Variants in XXYLT1 observed in about 807,000 individuals in gnomAD.
The protein encoded by XXYLT1 is UDP-xylose:alpha-xyloside alpha-1,3-xylosyltransferase.
XXYLT1 carries 20 observed loss-of-function variants against 28.9 expected under a neutral mutation model. That is an observed-to-expected ratio of 0.69 (90% confidence interval 0.49 to 1.00). The LOEUF (loss-of-function observed/expected upper bound fraction) is 1.00. Among genes scored for constraint, XXYLT1 ranks in the 50% least tolerant of loss-of-function variants. The probability of loss-of-function intolerance (pLI) is 0.00; values close to 1 mark genes in which losing one functional copy is unlikely to be tolerated. For missense variants in XXYLT1, 542 were observed against 560.1 expected (o/e 0.97, Z 0.33); for synonymous variants, 257 against 253.8 (o/e 1.01, Z -0.12).
intron 2 of XXYLT1, among the ~76,000 whole-genome samples, chr3:195,216,033 C>T (rs1358093850): frequency 1.3e-5 from 2 of 151,442 alleles, no homozygotes; most frequent in African/African-American, 4.9e-5. Context: ...CAAAACCGCT[C>T]AACTACATGG....
At chr3:195,097,383 C>T (rs1716508598) in intron 3 of XXYLT1, among the ~76,000 whole-genome samples, 1 of 152,162 alleles carries the variant, frequency 6.6e-6, no homozygotes, top group South Asian at 2.1e-4. Flanking sequence ...TGCGTATCAA[C>T]ACGTATCTAG....
At chr3:195,189,074 CATT>C (rs1722318279) in intron 2 of XXYLT1, among the ~76,000 whole-genome samples, 2 of 152,292 alleles carry the variant, frequency 1.3e-5, no homozygotes, top group Non-Finnish European at 2.9e-5. Flanking sequence ...GAGTGATTTA[CATT>C]GATTAACTTA....
chr3:195,207,554 A>G (rs984728079), intron 2 of XXYLT1: 1 of 445,430 alleles, frequency 2.2e-6, no homozygotes, highest in East Asian at 7.1e-5. Flanking sequence ...AGCCTTCCCC[A>G]AATTCCTTAG....
intron 1 of XXYLT1, among the ~76,000 whole-genome samples, chr3:195,266,156 G>C (rs553865344): frequency 9.8e-5 from 15 of 152,298 alleles, no homozygotes; most frequent in African/African-American, 3.6e-4. Flanking sequence ...TGGGAGGACA[G>C]GTAGCCAGAA....
intron 3 of XXYLT1, among the ~76,000 whole-genome samples, chr3:195,085,308 A>G (rs1228156505): frequency 6.6e-6 from 1 of 152,218 alleles, no homozygotes; most frequent in Non-Finnish European, 1.5e-5. Context: ...ATGGTGACTC[A>G]GTACCAGTGT....
At chr3:195,159,510 C>G (rs892743335) in intron 2 of XXYLT1, among the ~76,000 whole-genome samples, 39 of 152,186 alleles carry the variant, frequency 2.6e-4, no homozygotes, top group Non-Finnish European at 5.1e-4. Context: ...AAAGGGTGTG[C>G]TCAGGACTAA....
intron 3 of XXYLT1, among the ~76,000 whole-genome samples, chr3:195,107,249 G>A (rs908717873): frequency 2.6e-5 from 4 of 151,752 alleles, no homozygotes; most frequent in Non-Finnish European, 5.9e-5. Context: ...CGAGGCGGGC[G>A]GATCACCTGA....
rs561454928 is a variant in XXYLT1 at position 195,255,316 on chromosome 3, G to A, written c.504+15239C>T. On this transcript the variant is annotated intron_variant, in intron 1 of 3. Coordinates refer to ENST00000310380, the MANE Select transcript of XXYLT1 (RefSeq NM_152531.5). The surrounding 1 kb of genome is among the most constrained non-coding windows in gnomAD (Gnocchi z 4.5). ...GCAGAGCCAGGTGGGAGACAGCAGC[G>A]GGGTTCCCTACCCCACACGGCTCGC... 3.9e-5 allele frequency among the ~76,000 whole-genome samples: 6 copies of A among 152,302 alleles called. No homozygotes were observed. The highest frequency in any genetic ancestry group is 3.4e-3 in the Middle Eastern group (1 of 294).
rs1721951770 is a variant in XXYLT1 at position 195,181,462 on chromosome 3, C to T, written c.653-24881G>A. Among the ~76,000 whole-genome samples the T allele has an allele frequency of 2.6e-5, 4 of 152,282 alleles. No homozygotes were observed. In the South Asian group the frequency reaches 8.3e-4, roughly 32 times the overall value. On this transcript the variant is annotated intron_variant, in intron 2 of 3. Transcript: ENST00000310380. ...GTGAACACCTCAAATTCTCTGAGGG[C>T]TGTGACAGGGGACTGAGGAAGTGGA...
intron 2 of XXYLT1, among the ~76,000 whole-genome samples, chr3:195,158,960 C>T (rs763650916): frequency 6.6e-6 from 1 of 152,110 alleles, no homozygotes. Flanking sequence ...TTACACAGAA[C>T]GCTGAAGGCT....
intron 3 of XXYLT1, among the ~76,000 whole-genome samples, chr3:195,121,822 C>T (rs1308696331): frequency 6.6e-6 from 1 of 152,212 alleles, no homozygotes; most frequent in Non-Finnish European, 1.5e-5. Flanking sequence ...AGTGGCTACC[C>T]CTCTCTAGGC....
At chr3:195,109,240 G>A (rs1717317910) in intron 3 of XXYLT1, among the ~76,000 whole-genome samples, 1 of 152,162 alleles carries the variant, frequency 6.6e-6, no homozygotes, top group Non-Finnish European at 1.5e-5. Flanking sequence ...CACAGCAGAG[G>A]CCGACAGCCC....
chr3:195,149,423 T>A (rs142084668), intron 3 of XXYLT1, among the ~76,000 whole-genome samples: 1 of 152,104 alleles, frequency 6.6e-6, no homozygotes. Flanking sequence ...AGAAACCATA[T>A]TGGAGATCAG....
At chr3:195,148,380 G>C (rs1719985893) in intron 3 of XXYLT1, among the ~76,000 whole-genome samples, 1 of 152,118 alleles carries the variant, frequency 6.6e-6, no homozygotes, top group African/African-American at 2.4e-5. Context: ...TTAAAAGGTG[G>C]CAAGCTTTTT....
At chr3:195,244,337 C>G (rs1484348796) in intron 1 of XXYLT1, among the ~76,000 whole-genome samples, 1 of 152,208 alleles carries the variant, frequency 6.6e-6, no homozygotes. Flanking sequence ...AGCTCTGGGT[C>G]CTGGGTCTCC....
chr3:195,084,979 C>A (rs1219843247), intron 3 of XXYLT1, among the ~76,000 whole-genome samples: 7 of 152,210 alleles, frequency 4.6e-5, no homozygotes. Flanking sequence ...CCTAGCAAGG[C>A]AGCCACTTCC....
Position 195,155,559 on chromosome 3 carries a change from T to A in XXYLT1, c.785+890A>T, listed in dbSNP as rs1365544722. Among the ~76,000 whole-genome samples, 29 of 150,544 alleles carry A rather than the reference T, an allele frequency of 1.9e-4. 1 individual carries two copies. The highest frequency in any genetic ancestry group is 1.7e-3 in the Admixed American group (25 of 15,114). On this transcript the variant is annotated intron_variant, in intron 3 of 3. Coordinates refer to ENST00000310380, the MANE Select transcript of XXYLT1 (RefSeq NM_152531.5). The stretch of plus-strand genomic sequence containing the variant: ...CTTTTTTTTTTTTTTAATTACAAGA[T>A]GTAGAACAAGAACACACAAAAAAGT...
chr3:195,102,133 T>C (rs531124877), intron 3 of XXYLT1, among the ~76,000 whole-genome samples: 27 of 152,020 alleles, frequency 1.8e-4, no homozygotes, highest in Non-Finnish European at 3.7e-4. Flanking sequence ...TATCTGAGTC[T>C]ATGTTTTCCA....
chr3:195,205,371 C>T (rs977283233), intron 2 of XXYLT1, among the ~76,000 whole-genome samples: 1 of 152,134 alleles, frequency 6.6e-6, no homozygotes, highest in Non-Finnish European at 1.5e-5. Context: ...TGGAATGAAC[C>T]TCTTGAGGAT....
Sources: gnomAD v4.1 joint callset for allele counts (sites outside exome capture counted in the v4.1 genomes callset) on GRCh38, gnomAD v4.1.1 for gene constraint, Gnocchi (gnomAD v3.1) non-coding constraint, MANE v1.5 for transcripts, NCBI Gene and HGNC (gene_info 2026-07-23, HGNC 2026-07-21) for gene names.